Variants in DHRS9 observed in about 807,000 individuals in gnomAD.
DHRS9 encodes dehydrogenase/reductase 9.
A neutral mutation model predicts 26.6 loss-of-function variants in DHRS9; 18 were observed. The ratio of observed to expected loss-of-function variants is 0.68; its 90% CI spans 0.47 to 1.00. The LOEUF (loss-of-function observed/expected upper bound fraction) is 1.00. Among genes scored for constraint, DHRS9 ranks in the 50% least tolerant of loss-of-function variants. The pLI is 0.00. For synonymous variants in DHRS9, 134 were observed against 141.1 expected (o/e 0.95, Z 0.36); for missense variants, 425 against 378.7 (o/e 1.12, Z -1.01).
intron 4 of DHRS9, among the ~76,000 whole-genome samples, chr2:169,094,847 C>A (rs1184319458): frequency 6.6e-6 from 1 of 152,000 alleles, no homozygotes; most frequent in East Asian, 1.9e-4. Context: ...ACCACTAATC[C>A]CTTGTAAAAT....
At position 169,083,178 on chromosome 2, in the gene DHRS9, A is replaced by C. The variant is rs187653497; in HGVS notation, c.314-151A>C. 51 of 957,364 alleles carry C rather than the reference A, an allele frequency of 5.3e-5. No individual in the cohort carries two copies. In the African/African-American group the frequency reaches 6.7e-4, roughly 13 times the overall value. The allele number at this position is 957,364 out of a possible 1,614,324, so 59.3% of individuals were successfully genotyped here. On this transcript the variant is annotated intron_variant, in intron 2 of 4. Transcript: ENST00000674881. ...AGTTTAGCCTCCCACCCTCTCTGCT[A>C]TCACTTCCCAAAACTGCGAAGTATT...
chr2:169,095,552 A>C lies in DHRS9; in HGVS notation c.745A>C (p.Lys249Gln), dbSNP rs756926553. ...CTTTTGTCTCTTTTTAGGTCTAGAC[A>C]AACTGAAAGGCAATAAATCCTATGT... ...GEGYIEKSLDKLKGNKSYVNM... is the reference protein window; with the variant it reads ...GEGYIEKSLDQLKGNKSYVNM... Residue 249 changes from lysine (K) to glutamine (Q), a missense_variant, in exon 5 of 5, where the codon AAA becomes CAA. Lys to Gln is a moderately conservative substitution (Grantham distance 53). Transcript: ENST00000674881. The C allele has an allele frequency of 1.2e-6, 2 of 1,613,690 alleles. No individual in the cohort carries two copies. Among genetic ancestry groups the C allele is most frequent in the Admixed American group, 3.3e-5 (2 of 60,002 alleles).
chr2:169,083,844 A>G (rs1426433728), intron 3 of DHRS9, among the ~76,000 whole-genome samples: 3 of 152,160 alleles, frequency 2.0e-5, no homozygotes, highest in Non-Finnish European at 2.9e-5. Context: ...GTTACAAAAA[A>G]TCCAATTATA....
chr2:169,093,222 C>T (rs1375092530), intron 4 of DHRS9, among the ~76,000 whole-genome samples: 1 of 152,106 alleles, frequency 6.6e-6, no homozygotes, highest in Admixed American at 6.6e-5. Flanking sequence ...AGACTGTCAA[C>T]TGTGGCAAGG....
intron 3 of DHRS9, among the ~76,000 whole-genome samples, chr2:169,086,930 G>T (rs181187055): frequency 4.6e-5 from 7 of 152,124 alleles, no homozygotes; most frequent in Admixed American, 6.5e-5. Flanking sequence ...ACCATCATTG[G>T]GACTGCACTG....
In DHRS9 at chr2:169,096,131, A is replaced by G. The variant is rs1684691090; in HGVS notation, c.*364A>G. The G allele has an allele frequency of 4.0e-6, 1 of 247,700 alleles. No individual in the cohort carries two copies. Among genetic ancestry groups the G allele is most frequent in the Non-Finnish European group, 7.9e-6 (1 of 126,358 alleles). 15.3% of individuals were successfully genotyped at this position (247,700 alleles called of 1,614,324 possible). ...CAGTAACTTGTGAATGTTAAGTATC[A>G]TCTCTTATCTAAATATTAAAAGATA... On this transcript the variant is annotated 3_prime_UTR_variant, in exon 5 of 5. Transcript: ENST00000674881.
At chr2:169,068,611 GA>G (rs201126464), upstream of DHRS9, among the ~76,000 whole-genome samples, 382 of 152,080 alleles carry the variant, frequency 2.5e-3, 14 homozygotes, top group East Asian at 0.06. Context: ...TTCTTTTAAA[GA>G]AAAAAGACCA....
chr2:169,068,932 C>A (rs1209268079), upstream of DHRS9, among the ~76,000 whole-genome samples: 1 of 152,124 alleles, frequency 6.6e-6, no homozygotes, highest in East Asian at 1.9e-4. Flanking sequence ...CCAGGATACG[C>A]CAGGTCAACT....
At chr2:169,070,394 G>A in intron 1 of DHRS9, 2 of 985,354 alleles carry the variant, frequency 2.0e-6, no homozygotes, top group Non-Finnish European at 2.4e-6. Context: ...TGATGTTTAG[G>A]AGGTGTGCTT....
chr2:169,095,686 T>C lies in DHRS9; in HGVS notation c.879T>C (p.Pro293=), dbSNP rs1684674847. 2 of 1,613,892 alleles carry C rather than the reference T, an allele frequency of 1.2e-6. No homozygotes were observed. Among genetic ancestry groups the C allele is most frequent in the African/African-American group, 2.7e-5 (2 of 74,922 alleles). The change falls in exon 5 of 5, where the codon CCT becomes CCC. Residue 293 remains proline, a synonymous_variant. Transcript: ENST00000674881. ...AGKDAKIFWI[P]LSHMPAALQD... is the part of the protein sequence containing the mutation. ...AAGATGCCAAAATTTTCTGGATACC[T>C]CTGTCTCACATGCCAGCAGCTTTGC...
intron 1 of DHRS9, among the ~76,000 whole-genome samples, chr2:169,074,639 T>A (rs1683910143): frequency 6.6e-6 from 1 of 152,186 alleles, no homozygotes; most frequent in African/African-American, 2.4e-5. Context: ...ATAGGTCATG[T>A]TCCCATGGCT....
chr2:169,081,435 G>A, intron 1 of DHRS9, 88 bp from the exon 2 acceptor site: 2 of 1,391,962 alleles, frequency 1.4e-6, no homozygotes, highest in Non-Finnish European at 1.9e-6. Flanking sequence ...CCACACTAAT[G>A]CATTAAAATA....
intron 3 of DHRS9, among the ~76,000 whole-genome samples, chr2:169,085,096 C>T (rs546701836): frequency 6.6e-6 from 1 of 152,152 alleles, no homozygotes; most frequent in African/African-American, 2.4e-5. Context: ...AAAGACTATC[C>T]TTTCCCCAAT....
At chr2:169,092,031 A>T in intron 4 of DHRS9, 78 bp downstream of exon 4, 1 of 1,480,964 alleles carries the variant, frequency 6.8e-7, no homozygotes, top group East Asian at 2.4e-5. Flanking sequence ...ATACAGATGA[A>T]ATAACAAGGT....
At chr2:169,088,176 G>A (rs1225850623) in intron 3 of DHRS9, among the ~76,000 whole-genome samples, 1 of 152,156 alleles carries the variant, frequency 6.6e-6, no homozygotes, top group Non-Finnish European at 1.5e-5. Context: ...TACTGAAATG[G>A]GCAATTCCTC....
Position 169,095,857 on chromosome 2 carries a change from C to A in DHRS9, c.*90C>A. The A allele has an allele frequency of 8.6e-7, 1 of 1,157,296 alleles. No individual in the cohort carries two copies. The highest frequency in any genetic ancestry group is 1.3e-6 in the Non-Finnish European group (1 of 793,580). 71.7% of individuals were successfully genotyped at this position (1,157,296 alleles called of 1,614,324 possible). On this transcript the variant is annotated 3_prime_UTR_variant, in exon 5 of 5. Transcript: ENST00000674881. Reference sequence around the variant, plus strand: ...TTTCAACCCCATTCCTTATCTGCTCCAACCTGGACTCATTTAGATCGTGCT... The same window carrying A: ...TTTCAACCCCATTCCTTATCTGCTCAAACCTGGACTCATTTAGATCGTGCT...
chr2:169,070,160 A>G lies in DHRS9; in HGVS notation c.-60+443A>G, dbSNP rs1014283431. On this transcript the variant is annotated intron_variant, in intron 1 of 4. Coordinates refer to ENST00000674881, the MANE Select transcript of DHRS9 (RefSeq NM_001376924.1). The stretch of plus-strand genomic sequence containing the variant: ...ATCTGTTTGTCTGTCCGCTTTATCA[A>G]TATTATCAGATGTAAGTTTACATGA... 4.1e-6 allele frequency: 4 copies of G among 985,278 alleles called. No individual in the cohort carries two copies. In the Admixed American group the frequency reaches 2.5e-4, roughly 61 times the overall value. The allele number at this position is 985,278 out of a possible 1,614,324, so 61.0% of individuals were successfully genotyped here.
chr2:169,077,812 G>C (rs1336254145), intron 1 of DHRS9, among the ~76,000 whole-genome samples: 6 of 152,116 alleles, frequency 3.9e-5, no homozygotes, highest in Non-Finnish European at 7.4e-5. Flanking sequence ...TACCCTCCTT[G>C]TGGCTTCCCT....
chr2:169,078,840 T>TTTTTTTTTTTTTTTTTTG lies in DHRS9; in HGVS notation c.-59-2682_-59-2681insTTTTTTTTTTTTTTTTGT, dbSNP rs1553478929. On this transcript the variant is annotated intron_variant, in intron 1 of 4. Transcript: ENST00000674881. ...CTTTTTTTTTTTTTTTTTTTTTTTT[T>TTTTTTTTTTTTTTTTTTG]TGTGACAGAGTCTTGCACTGTCGCC... 1.5e-4 allele frequency among the ~76,000 whole-genome samples: 20 copies of TTTTTTTTTTTTTTTTTTG among 137,346 alleles called. 1 individual carries two copies. Among genetic ancestry groups the TTTTTTTTTTTTTTTTTTG allele is most frequent in the African/African-American group, 5.3e-4 (18 of 33,812 alleles). 90.1% of individuals were successfully genotyped at this position (137,346 alleles called of 152,430 possible). A position where few individuals can be genotyped will look rare whatever the true frequency, so the allele number is the denominator to read the frequency against.
Sources: allele counts gnomAD v4.1 joint callset (sites outside exome capture counted in the v4.1 genomes callset), GRCh38; gene constraint gnomAD v4.1.1; transcripts MANE v1.5; gene names NCBI Gene and HGNC (gene_info 2026-07-23, HGNC 2026-07-21).